Variants in SOX5 observed in about 807,000 individuals in gnomAD.
SOX5 encodes the protein SRY-box transcription factor 5, also known as transcription factor SOX-5.
Under a neutral mutation model 92.0 loss-of-function variants are expected in SOX5, and 9 were observed. The ratio of observed to expected loss-of-function variants is 0.10; its 90% CI spans 0.06 to 0.17. The LOEUF (loss-of-function observed/expected upper bound fraction) is 0.17, where lower values mean the gene tolerates loss of function less well. Ranked by LOEUF, SOX5 falls within the 10% of genes least tolerant of loss-of-function variation. The pLI, the probability that SOX5 is intolerant of heterozygous loss-of-function variation, is 1.00. For synonymous variants in SOX5, 344 were observed against 336.3 expected (o/e 1.02, Z -0.25); for missense variants, 642 against 944.5 (o/e 0.68, Z 4.20).
At chr12:24,331,361 T>C (rs944225829) in intron 2 of SOX5, 4 of 152,298 alleles carry the variant, frequency 2.6e-5, no homozygotes, top group Admixed American at 6.5e-5. Flanking sequence ...TTGAATAGGA[T>C]GGGCAGCCGT....
Position 23,871,435 on chromosome 12 carries a change from C to T in SOX5, c.270+24358G>A, listed in dbSNP as rs78182318. Among the ~76,000 whole-genome samples, 976 of 152,070 alleles carry T rather than the reference C, an allele frequency of 6.4e-3. 4 individuals are homozygous for T. Among genetic ancestry groups the T allele is most frequent in the Non-Finnish European group, 8.6e-3 (584 of 67,966 alleles). On this transcript the variant is annotated intron_variant, in intron 2 of 14. Transcript: ENST00000451604. ...CTGACCTGTAAATATGAATGAAATG[C>T]CAATTTCAGACCCAAAATGATTAAA...
At chr12:23,611,431 T>G (rs1356164508) in intron 8 of SOX5, among the ~76,000 whole-genome samples, 1 of 151,824 alleles carries the variant, frequency 6.6e-6, no homozygotes, top group Non-Finnish European at 1.5e-5. Context: ...TGTATCCATT[T>G]ATCTACTGAT....
chr12:23,708,731 T>C (rs1451034072), intron 6 of SOX5, among the ~76,000 whole-genome samples: 1 of 152,142 alleles, frequency 6.6e-6, no homozygotes, highest in Non-Finnish European at 1.5e-5. Flanking sequence ...GCAAAATCAA[T>C]ACACGCACAA....
chr12:23,690,276 C>T (rs1473954976), intron 6 of SOX5, among the ~76,000 whole-genome samples: 1 of 152,172 alleles, frequency 6.6e-6, no homozygotes, highest in African/African-American at 2.4e-5. Context: ...AGAATAAACT[C>T]ATCTTTGGCT....
intron 3 of SOX5, among the ~76,000 whole-genome samples, chr12:23,835,929 TG>T (rs1241213741): frequency 6.6e-6 from 1 of 151,792 alleles, no homozygotes; most frequent in Non-Finnish European, 1.5e-5. Flanking sequence ...ATCATGTGAA[TG>T]GTATTCCCTG....
At chr12:24,090,331 A>G (rs533487811) in intron 4 of SOX5, among the ~76,000 whole-genome samples, 4 of 152,314 alleles carry the variant, frequency 2.6e-5, no homozygotes, top group African/African-American at 9.6e-5. Context: ...AAAGGGAAGC[A>G]TAAACTCACA....
Position 24,537,694 on chromosome 12 carries a change from G to A in SOX5, c.-251+24635C>T, listed in dbSNP as rs2955482. On this transcript the variant is annotated intron_variant, in intron 1 of 4. Coordinates refer to the SOX5 transcript ENST00000446891. ...AATCTCTTATGTTTCCATGTTCTAA[G>A]ATAATTCCTCCATTCAAATACTCAA... Among the ~76,000 whole-genome samples, 955 of 152,308 alleles carry A rather than the reference G, an allele frequency of 6.3e-3. 7 individuals are homozygous for A. The highest frequency in any genetic ancestry group is 0.054 in the Middle Eastern group (16 of 294).
At chr12:24,045,349 C>A (rs1309069400) in intron 4 of SOX5, among the ~76,000 whole-genome samples, 1 of 152,140 alleles carries the variant, frequency 6.6e-6, no homozygotes, top group East Asian at 1.9e-4. Flanking sequence ...ATTAGGTACT[C>A]TATTGGTGTT....
intron 3 of SOX5, among the ~76,000 whole-genome samples, chr12:23,770,755 G>A (rs568211606): frequency 5.9e-5 from 9 of 152,218 alleles, no homozygotes; most frequent in Middle Eastern, 3.4e-3. Context: ...ACTGGGCACT[G>A]TAAGAAGACT....
intron 9 of SOX5, among the ~76,000 whole-genome samples, chr12:23,588,378 G>C (rs1279756678): frequency 6.6e-6 from 1 of 151,922 alleles, no homozygotes; most frequent in Non-Finnish European, 1.5e-5. Context: ...ATGTCATAAA[G>C]CATGAGGAAT....
At chr12:23,822,184 T>G (rs1366720709) in intron 3 of SOX5, among the ~76,000 whole-genome samples, 1 of 152,162 alleles carries the variant, frequency 6.6e-6, no homozygotes, top group African/African-American at 2.4e-5. Flanking sequence ...TTGTTTGTGC[T>G]TGCTTCTCTA....
At chr12:24,213,419 T>TGAAAA (rs1958852700) in intron 3 of SOX5, 3 of 96,864 alleles carry the variant, frequency 3.1e-5, no homozygotes, top group Non-Finnish European at 4.1e-5. Context: ...CTTGAAATGC[T>TGAAAA]AAAAAAAAAA....
intron 7 of SOX5, among the ~76,000 whole-genome samples, chr12:23,660,297 C>T (rs1412778101): frequency 6.6e-6 from 1 of 152,186 alleles, no homozygotes; most frequent in African/African-American, 2.4e-5. Flanking sequence ...CAATATTAGG[C>T]ACCAATTCTT....
intron 9 of SOX5, among the ~76,000 whole-genome samples, chr12:23,596,892 TCCTGAACTATAC>T (rs1429906340): frequency 6.6e-6 from 1 of 152,216 alleles, no homozygotes; most frequent in East Asian, 1.9e-4. Context: ...TAATTCAAAG[TCCTGAACTATAC>T]CCAGACATCC....
chr12:23,947,196 A>C (rs1423407816), intron 1 of SOX5, among the ~76,000 whole-genome samples: 1 of 151,960 alleles, frequency 6.6e-6, no homozygotes, highest in Non-Finnish European at 1.5e-5. Flanking sequence ...CCTCTAGATC[A>C]AAGTTCTCTA....
intron 4 of SOX5, among the ~76,000 whole-genome samples, chr12:23,984,775 G>C (rs576327062): frequency 6.6e-6 from 1 of 152,280 alleles, no homozygotes; most frequent in East Asian, 1.9e-4. Context: ...GCTTAAGTTT[G>C]ACTTTGCAAT....
intron 4 of SOX5, among the ~76,000 whole-genome samples, chr12:24,061,988 GA>G (rs952242287): frequency 1.4e-5 from 2 of 147,248 alleles, no homozygotes; most frequent in East Asian, 2.0e-4. Context: ...TTTGAGAGAG[GA>G]AAAAATGTAG....
chr12:23,702,868 T>C (rs746719412), intron 6 of SOX5, among the ~76,000 whole-genome samples: 3 of 152,024 alleles, frequency 2.0e-5, no homozygotes, highest in Admixed American at 6.6e-5. Context: ...TCTTTTCTTA[T>C]CTAACAGAAA....
intron 2 of SOX5, among the ~76,000 whole-genome samples, chr12:24,349,681 A>C (rs1011536545): frequency 6.6e-6 from 1 of 152,186 alleles, no homozygotes; most frequent in Non-Finnish European, 1.5e-5. Context: ...CCATTTATCC[A>C]CCAATGGACA....
Sources: gnomAD v4.1 joint callset for allele counts (sites outside exome capture counted in the v4.1 genomes callset) on GRCh38, gnomAD v4.1.1 for gene constraint, MANE v1.5 for transcripts, NCBI Gene and HGNC (gene_info 2026-07-23, HGNC 2026-07-21) for gene names.